Variants in SULT1B1 observed in about 807,000 individuals in gnomAD.
SULT1B1 encodes sulfotransferase 1B1.
In SULT1B1, 28 loss-of-function variants were observed where a neutral mutation model predicts 34.6. The ratio of observed to expected loss-of-function variants is 0.81; its 90% CI spans 0.60 to 1.11. The LOEUF (loss-of-function observed/expected upper bound fraction) is 1.11, where lower values mean the gene tolerates loss of function less well. Among genes scored for constraint, SULT1B1 ranks in the 50% least tolerant of loss-of-function variants. The probability of loss-of-function intolerance (pLI) is 0.00; values close to 1 mark genes in which losing one functional copy is unlikely to be tolerated. For missense variants in SULT1B1, 374 were observed against 352.2 expected (o/e 1.06, Z -0.50); for synonymous variants, 147 against 110.2 (o/e 1.33, Z -2.09).
At position 69,726,030 on chromosome 4, in the gene SULT1B1, G is replaced by GTATATATA. The variant is rs1560517552; in HGVS notation, c.*1057_*1058insTATATATA. ...GGAACTTAAAGTATAATAATAAAAT[G>GTATATATA]TACATATATATATATATATATATAT... On this transcript the variant is annotated 3_prime_UTR_variant, in exon 8 of 8. Transcript: ENST00000310613. 1.7e-4 allele frequency: 7 copies of GTATATATA among 42,032 alleles called. No individual in the cohort carries two copies. The highest frequency in any genetic ancestry group is 3.5e-4 in the Non-Finnish European group (7 of 20,288). The allele number at this position is 42,032 out of a possible 1,614,324, so 2.6% of individuals were successfully genotyped here.
At chr4:69,736,669 G>A (rs192522062) in intron 4 of SULT1B1, among the ~76,000 whole-genome samples, 1 of 152,066 alleles carries the variant, frequency 6.6e-6, no homozygotes, top group East Asian at 1.9e-4. Flanking sequence ...TTAAATATAT[G>A]GAAATTATAG....
In SULT1B1 at chr4:69,734,218, T is replaced by C; in HGVS notation, c.422A>G (p.Tyr141Cys). ...TAAATTATTCATTAAGTCAAAATGG[T>C]AATATGAGACTGAAACATCCTTGGC... ...RNAKDVSVSY[Y>C]HFDLMNNLQP... The change falls in exon 5 of 8, where the codon TAC (tyrosine) becomes TGC (cysteine). Residue 141 changes from tyrosine (Y) to cysteine (C), a missense_variant. By Grantham distance (194) the Tyr-to-Cys change is radical. Coordinates refer to ENST00000310613, the MANE Select transcript of SULT1B1 (RefSeq NM_014465.4). The C allele has an allele frequency of 1.2e-6, 2 of 1,612,886 alleles. No homozygotes were observed. Among genetic ancestry groups the C allele is most frequent in the Non-Finnish European group, 1.7e-6 (2 of 1,179,524 alleles).
intron 3 of SULT1B1, among the ~76,000 whole-genome samples, chr4:69,753,686 C>A (rs1368449329): frequency 1.3e-5 from 2 of 152,132 alleles, no homozygotes; most frequent in African/African-American, 2.4e-5. Flanking sequence ...GGAGTAGATA[C>A]CCCTTGTTAA....
At chr4:69,756,904 CT>C (rs1473485214) in intron 1 of SULT1B1, among the ~76,000 whole-genome samples, 2 of 151,962 alleles carry the variant, frequency 1.3e-5, no homozygotes, top group African/African-American at 4.8e-5. Context: ...GGAAGGCAAT[CT>C]GCTGTACTCA....
intron 1 of SULT1B1, among the ~76,000 whole-genome samples, chr4:69,757,424 C>G (rs570787215): frequency 6.6e-6 from 1 of 151,952 alleles, no homozygotes; most frequent in Non-Finnish European, 1.5e-5. Context: ...AATTTGTGGA[C>G]CCACAAACAA....
rs1210369938 is a variant in SULT1B1, at chr4:69,724,929, C to T, written c.*2159G>A. 1 of 152,086 alleles carries T rather than the reference C, an allele frequency of 6.6e-6. No individual in the cohort carries two copies. The highest frequency in any genetic ancestry group is 1.5e-5 in the Non-Finnish European group (1 of 68,024). The allele number at this position is 152,086 out of a possible 1,614,324, so 9.4% of individuals were successfully genotyped here. On this transcript the variant is annotated 3_prime_UTR_variant, in exon 8 of 8. Transcript: ENST00000310613. ...AAACCATAAAAACCCTAGAAGAAAA[C>T]CTAGGCAATATCATTCAGGACATAG...
rs756017821 is a variant in SULT1B1, at chr4:69,726,033, C to CATATATATATAT, written c.*1043_*1054dup. On this transcript the variant is annotated 3_prime_UTR_variant, in exon 8 of 8. Coordinates refer to ENST00000310613, the MANE Select transcript of SULT1B1 (RefSeq NM_014465.4). ...ACTTAAAGTATAATAATAAAATGTA[C>CATATATATATAT]ATATATATATATATATATATATATA... The CATATATATATAT allele has an allele frequency of 6.9e-4, 20 of 29,158 alleles. 1 individual carries two copies. The highest frequency in any genetic ancestry group is 1.4e-3 in the East Asian group (1 of 730). The allele number at this position is 29,158 out of a possible 1,614,324, so 1.8% of individuals were successfully genotyped here. A position where few individuals can be genotyped will look rare whatever the true frequency, so the allele number is the denominator to read the frequency against.
At position 69,750,355 on chromosome 4, in the gene SULT1B1, TA is replaced by T. The variant is rs530913191; in HGVS notation, c.278-538del. Among the ~76,000 whole-genome samples, 4 of 152,286 alleles carry T rather than the reference TA, an allele frequency of 2.6e-5. No homozygotes were observed. The South Asian group carries it at 8.3e-4, about 32-fold the overall frequency. On this transcript the variant is annotated intron_variant, in intron 3 of 7. Transcript: ENST00000310613. ...TGTCATATGTCTCTCCATATATGTATAGACAGTAAAAATGTGTAATCTTTAG... is the reference window on the plus strand; with the variant it reads ...TGTCATATGTCTCTCCATATATGTATGACAGTAAAAATGTGTAATCTTTAG...
At chr4:69,755,287 C>T in intron 1 of SULT1B1, 26 bp from the exon 2 acceptor site, 3 of 1,542,480 alleles carry the variant, frequency 1.9e-6, no homozygotes, top group Non-Finnish European at 2.7e-6. Flanking sequence ...GAATAAAAAT[C>T]AGAATCTGAG....
intron 7 of SULT1B1, 29 bp from the exon 8 acceptor site, chr4:69,727,229 G>T (rs775119685): frequency 2.6e-6 from 4 of 1,550,104 alleles, no homozygotes; most frequent in Non-Finnish European, 2.6e-6. Flanking sequence ...ACATAGGAAA[G>T]AATAAAATAT....
At chr4:69,758,793 C>G (rs1302337953) in intron 1 of SULT1B1, among the ~76,000 whole-genome samples, 2 of 152,096 alleles carry the variant, frequency 1.3e-5, no homozygotes, top group Admixed American at 6.6e-5. Flanking sequence ...TTGGTTCATC[C>G]TTTGCCTTTT....
intron 4 of SULT1B1, among the ~76,000 whole-genome samples, chr4:69,744,253 T>C (rs998855522): frequency 6.6e-6 from 1 of 152,138 alleles, no homozygotes; most frequent in Non-Finnish European, 1.5e-5. Context: ...GGGTGGACTC[T>C]AGGGACTGAC....
At chr4:69,758,495 G>A (rs1719274497) in intron 1 of SULT1B1, 1 of 984,320 alleles carries the variant, frequency 1.0e-6, no homozygotes, top group Non-Finnish European at 1.2e-6. Context: ...ATTATCTAAA[G>A]GGAAATATCA....
chr4:69,750,600 A>G (rs139021875), intron 3 of SULT1B1, among the ~76,000 whole-genome samples: 212 of 152,296 alleles, frequency 1.4e-3, no homozygotes, highest in African/African-American at 4.8e-3. Context: ...CATCTGACTC[A>G]CTCATTGAAA....
In SULT1B1 at chr4:69,730,621, T is replaced by G; in HGVS notation, c.658A>C (p.Ile220Leu). The change falls in exon 7 of 8, where the codon ATC becomes CTC. Residue 220 changes from isoleucine to leucine, a missense_variant. Transcript: ENST00000310613. ...GTGTGATGGATGATCCTATCCAAGA[T>G]CTCATCATTCAGGTTCTTCTCTAGA... Reference protein sequence around the residue: ...RFLEKNLNDEILDRIIHHTSF... With the variant: ...RFLEKNLNDELLDRIIHHTSF... 1 of 1,613,250 alleles carries G rather than the reference T, an allele frequency of 6.2e-7. No individual in the cohort carries two copies. Among genetic ancestry groups the G allele is most frequent in the Non-Finnish European group, 8.5e-7 (1 of 1,179,674 alleles).
chr4:69,757,585 TAC>T (rs59421822), intron 1 of SULT1B1, among the ~76,000 whole-genome samples: 1 of 151,416 alleles, frequency 6.6e-6, no homozygotes, highest in Admixed American at 6.6e-5. Context: ...TACCCCCATC[TAC>T]ACACACACAC....
Position 69,722,193 on chromosome 4 carries a change from T to C in SULT1B1, c.*4895A>G, listed in dbSNP as rs545313340. The C allele has an allele frequency of 6.6e-6, 1 of 152,158 alleles. No homozygotes were observed. Among genetic ancestry groups the C allele is most frequent in the African/African-American group, 2.4e-5 (1 of 41,458 alleles). The allele number at this position is 152,158 out of a possible 1,614,324, so 9.4% of individuals were successfully genotyped here. A position where few individuals can be genotyped will look rare whatever the true frequency, so the allele number is the denominator to read the frequency against. On this transcript the variant is annotated 3_prime_UTR_variant, in exon 8 of 8. Coordinates refer to ENST00000310613, the MANE Select transcript of SULT1B1 (RefSeq NM_014465.4). ...ACTCTTCACTCAGTGCATAGAAACA[T>C]ACCTGAGGCATAATTACAACTTACT...
chr4:69,727,524 G>C (rs531916369), intron 7 of SULT1B1, among the ~76,000 whole-genome samples: 4 of 152,016 alleles, frequency 2.6e-5, no homozygotes, highest in African/African-American at 9.6e-5. Context: ...TCTAATGGTC[G>C]TAGGTCATGA....
chr4:69,759,868 CT>C (rs1257884657), intron 1 of SULT1B1, among the ~76,000 whole-genome samples: 32 of 152,082 alleles, frequency 2.1e-4, no homozygotes, highest in Admixed American at 2.0e-3. Flanking sequence ...CTAAAATTGA[CT>C]TTAAGGAATA....
Sources: gnomAD v4.1 joint callset for allele counts (sites outside exome capture counted in the v4.1 genomes callset) on GRCh38, gnomAD v4.1.1 for gene constraint, MANE v1.5 for transcripts, NCBI Gene and HGNC (gene_info 2026-07-23, HGNC 2026-07-21) for gene names.